The following ST6GALNAC3 variants were observed in gnomAD, a reference collection of about 807,000 sequenced individuals.
ST6GALNAC3 encodes ST6 N-acetylgalactosaminide alpha-2,6-sialyltransferase 3.
ST6GALNAC3 carries 25 observed loss-of-function variants against 32.7 expected under a neutral mutation model. That is an observed-to-expected ratio of 0.76 (90% CI 0.56 to 1.07). ST6GALNAC3 has a LOEUF of 1.07. ST6GALNAC3 is among the 50% of genes least tolerant of loss of function. The pLI, the probability that ST6GALNAC3 is intolerant of heterozygous loss-of-function variation, is 0.00. For missense variants in ST6GALNAC3, 355 were observed against 382.4 expected (o/e 0.93, Z 0.60); for synonymous variants, 129 against 133.1 (o/e 0.97, Z 0.21).
At chr1:76,446,103 A>G (rs1364829486) in intron 3 of ST6GALNAC3, among the ~76,000 whole-genome samples, 1 of 152,230 alleles carries the variant, frequency 6.6e-6, no homozygotes, top group Admixed American at 6.5e-5. Context: ...TACAGCCAAC[A>G]ATATGCTATG....
chr1:76,075,644 A>T (rs72988548), intron 1 of ST6GALNAC3, among the ~76,000 whole-genome samples: 8,683 of 151,682 alleles, frequency 0.057, 809 homozygotes, highest in African/African-American at 0.2. Flanking sequence ...CAGGTGGGAG[A>T]ACTTGGTGTG....
intron 2 of ST6GALNAC3, among the ~76,000 whole-genome samples, chr1:76,356,428 T>G (rs1649449377): frequency 1.5e-5 from 1 of 64,518 alleles, no homozygotes; most frequent in African/African-American, 6.6e-5. Flanking sequence ...CAATGAACAG[T>G]AGGGTTAAAA....
chr1:76,483,940 G>A (rs1331014460), intron 3 of ST6GALNAC3, among the ~76,000 whole-genome samples: 3 of 152,106 alleles, frequency 2.0e-5, no homozygotes, highest in Admixed American at 1.3e-4. Context: ...TTCTACATAC[G>A]GCTAGCCAGC....
intron 1 of ST6GALNAC3, among the ~76,000 whole-genome samples, chr1:76,173,515 C>T (rs1056264856): frequency 1.8e-4 from 27 of 152,134 alleles, no homozygotes; most frequent in African/African-American, 6.0e-4. Flanking sequence ...AGCTTCTGCA[C>T]AGCAAAAGAA....
chr1:76,283,156 T>C (rs886496355), intron 1 of ST6GALNAC3, among the ~76,000 whole-genome samples: 1 of 152,156 alleles, frequency 6.6e-6, no homozygotes, highest in Non-Finnish European at 1.5e-5. Context: ...TCCGGAACAA[T>C]GGTAAGACCA....
intron 3 of ST6GALNAC3, among the ~76,000 whole-genome samples, chr1:76,490,025 G>A (rs574604772): frequency 2.0e-5 from 3 of 152,108 alleles, no homozygotes; most frequent in Non-Finnish European, 4.4e-5. Flanking sequence ...CACACTTGCT[G>A]TCTCACTCAC....
chr1:76,268,616 C>T (rs1185304326), intron 1 of ST6GALNAC3, among the ~76,000 whole-genome samples: 1 of 152,196 alleles, frequency 6.6e-6, no homozygotes, highest in Non-Finnish European at 1.5e-5. Flanking sequence ...CTCCAAGAGG[C>T]ATTTCATTTC....
chr1:76,312,934 C>G (rs979287126), intron 1 of ST6GALNAC3, among the ~76,000 whole-genome samples: 1 of 152,194 alleles, frequency 6.6e-6, no homozygotes, highest in Non-Finnish European at 1.5e-5. Flanking sequence ...TGCATTTTAT[C>G]AAGCTCAATT....
At chr1:76,559,624 G>A (rs1440545536) in intron 3 of ST6GALNAC3, among the ~76,000 whole-genome samples, 1 of 152,116 alleles carries the variant, frequency 6.6e-6, no homozygotes, top group Non-Finnish European at 1.5e-5. Context: ...AGTCTCCACT[G>A]ATCATCCCTC....
In ST6GALNAC3 at chr1:76,505,495, C is replaced by T. The variant is rs567163675; in HGVS notation, c.623+93078C>T. ...ATTAATCAAACTACAGCTTGTCCTA[C>T]ATCATCAATTATTGACACCACAGGG... is the stretch of plus-strand genomic sequence containing the variant. On this transcript the variant is annotated intron_variant, in intron 3 of 4. Transcript: ENST00000328299. Among the ~76,000 whole-genome samples, 142 of 152,280 alleles carry T rather than the reference C, an allele frequency of 9.3e-4. 3 individuals carry two copies. In the South Asian group the frequency reaches 0.029, roughly 31 times the overall value.
At chr1:76,524,714 GTT>G (rs199723434) in intron 3 of ST6GALNAC3, among the ~76,000 whole-genome samples, 57 of 140,128 alleles carry the variant, frequency 4.1e-4, no homozygotes, top group East Asian at 3.3e-3. Flanking sequence ...AAATATTTCA[GTT>G]TTTTTTTTTT....
At chr1:76,433,101 C>G (rs544637327) in intron 3 of ST6GALNAC3, among the ~76,000 whole-genome samples, 3 of 152,152 alleles carry the variant, frequency 2.0e-5, no homozygotes, top group Admixed American at 2.0e-4. Context: ...TCTCAGAGCT[C>G]TTGCCTCTGA....
At position 76,409,392 on chromosome 1, in the gene ST6GALNAC3, C is replaced by T. The variant is rs186942090; in HGVS notation, c.214-2616C>T. Reference sequence around the variant, plus strand: ...TTTTATCTTTGACATTTCAAATAAACACATGCCTTTGTCGGTCTGGCACAT... The same window carrying T: ...TTTTATCTTTGACATTTCAAATAAATACATGCCTTTGTCGGTCTGGCACAT... On this transcript the variant is annotated intron_variant, in intron 2 of 4. Coordinates refer to ENST00000328299, the MANE Select transcript of ST6GALNAC3 (RefSeq NM_152996.4). Among the ~76,000 whole-genome samples, 22 of 152,164 alleles carry T rather than the reference C, an allele frequency of 1.4e-4. 1 individual carries two copies. The highest frequency in any genetic ancestry group is 1.4e-3 in the Admixed American group (21 of 15,266).
intron 2 of ST6GALNAC3, among the ~76,000 whole-genome samples, chr1:76,340,144 A>G (rs1420620567): frequency 1.3e-5 from 2 of 152,352 alleles, no homozygotes; most frequent in East Asian, 3.9e-4. Context: ...CTATGCAAGT[A>G]TTTAGTCATC....
intron 1 of ST6GALNAC3, among the ~76,000 whole-genome samples, chr1:76,241,282 C>T (rs917811914): frequency 3.9e-5 from 6 of 152,102 alleles, no homozygotes; most frequent in Admixed American, 6.6e-5. Flanking sequence ...ATCTTTGGCT[C>T]GCAATTCTGA....
At chr1:76,232,554 A>G (rs1424830454) in intron 1 of ST6GALNAC3, among the ~76,000 whole-genome samples, 2 of 152,180 alleles carry the variant, frequency 1.3e-5, no homozygotes, top group Non-Finnish European at 2.9e-5. Context: ...CTCCCCGGAA[A>G]GGCTCCTTTG....
chr1:76,589,319 A>G (rs1421117017), intron 3 of ST6GALNAC3, among the ~76,000 whole-genome samples: 2 of 152,100 alleles, frequency 1.3e-5, no homozygotes, highest in South Asian at 2.1e-4. Context: ...GCACTTTCCC[A>G]GGTTAAAAAG....
intron 3 of ST6GALNAC3, among the ~76,000 whole-genome samples, chr1:76,434,685 CTT>C (rs1307620962): frequency 6.7e-6 from 1 of 149,670 alleles, no homozygotes; most frequent in Non-Finnish European, 1.5e-5. Context: ...ACAAAAGTAT[CTT>C]CATGTTAAAT....
At position 76,111,743 on chromosome 1, in the gene ST6GALNAC3, A is replaced by G. The variant is rs560048474; in HGVS notation, c.18+36859A>G. Among the ~76,000 whole-genome samples the G allele has an allele frequency of 9.0e-3, 1,347 of 149,740 alleles. 21 individuals are homozygous for G. Among genetic ancestry groups the G allele is most frequent in the African/African-American group, 0.032 (1,287 of 40,232 alleles). ...GGACACAGCACATGTTTCAGAGAGC[A>G]CAGGGTTGGGGGTAAGGTCACAGAT... On this transcript the variant is annotated intron_variant, in intron 1 of 4. Coordinates refer to ENST00000328299, the MANE Select transcript of ST6GALNAC3 (RefSeq NM_152996.4).
Sources: gnomAD v4.1 joint callset for allele counts (sites outside exome capture counted in the v4.1 genomes callset) on GRCh38, gnomAD v4.1.1 for gene constraint, MANE v1.5 for transcripts, NCBI Gene and HGNC (gene_info 2026-07-23, HGNC 2026-07-21) for gene names.